The following KCNMA1 variants were observed in gnomAD, a reference collection of about 807,000 sequenced individuals.
The protein encoded by KCNMA1 is Calcium-activated potassium channel subunit alpha-1.
Under a neutral mutation model 140.0 loss-of-function variants are expected in KCNMA1, and 29 were observed. The observed-to-expected ratio is 0.21, with a 90% CI of 0.15 to 0.28. The LOEUF (loss-of-function observed/expected upper bound fraction) is 0.28, where lower values mean the gene tolerates loss of function less well. Among genes scored for constraint, KCNMA1 ranks in the 10% least tolerant of loss-of-function variants. The pLI is 1.00. For synonymous variants in KCNMA1, 612 were observed against 611.9 expected (o/e 1.00, Z 0.00); for missense variants, 880 against 1,602.2 (o/e 0.55, Z 7.70).
At chr10:77,598,000 C>T (rs2081422063) in intron 1 of KCNMA1, among the ~76,000 whole-genome samples, 1 of 152,206 alleles carries the variant, frequency 6.6e-6, no homozygotes, top group Non-Finnish European at 1.5e-5. Flanking sequence ...GAGACTGAGT[C>T]TCACTTTGCC....
intron 5 of KCNMA1, among the ~76,000 whole-genome samples, chr10:77,166,817 T>C (rs767195839): frequency 5.3e-5 from 8 of 152,204 alleles, no homozygotes; most frequent in African/African-American, 1.9e-4. Flanking sequence ...GGTTGATCAA[T>C]AGCCTCTTTT....
Position 77,535,745 on chromosome 10 carries a change from A to G in KCNMA1, c.378+101520T>C, listed in dbSNP as rs2058743717. Among the ~76,000 whole-genome samples the G allele has an allele frequency of 3.3e-5, 5 of 152,250 alleles. No homozygotes were observed. The South Asian group carries it at 1.0e-3, about 32-fold the overall frequency. Reference sequence around the variant, plus strand: ...ATGGAATTCTGTCCTTTGCAGTAACATGGATGGAACAGGAGGACATTATGT... The same window carrying G: ...ATGGAATTCTGTCCTTTGCAGTAACGTGGATGGAACAGGAGGACATTATGT... On this transcript the variant is annotated intron_variant, in intron 1 of 27. Transcript: ENST00000286628.
chr10:76,932,633 G>A (rs1392593019), intron 23 of KCNMA1, among the ~76,000 whole-genome samples: 1 of 152,144 alleles, frequency 6.6e-6, no homozygotes, highest in Non-Finnish European at 1.5e-5. Flanking sequence ...ATATATAGAT[G>A]AGGAAATGAA....
intron 20 of KCNMA1, among the ~76,000 whole-genome samples, chr10:76,962,303 T>C (rs778630402): frequency 6.6e-6 from 1 of 152,192 alleles, no homozygotes; most frequent in African/African-American, 2.4e-5. Context: ...AGTTACAAAA[T>C]GGCTAGAAAA....
intron 1 of KCNMA1, among the ~76,000 whole-genome samples, chr10:77,523,210 C>CCCA (rs1048978672): frequency 6.7e-6 from 1 of 150,174 alleles, no homozygotes; most frequent in Admixed American, 6.6e-5. Flanking sequence ...CGTGCCCCCC[C>CCCA]CCCTTGCAAT....
At chr10:77,022,198 T>C (rs1020340388) in intron 16 of KCNMA1, among the ~76,000 whole-genome samples, 24 of 152,266 alleles carry the variant, frequency 1.6e-4, no homozygotes, top group East Asian at 5.8e-4. Flanking sequence ...CAAAAGTCTC[T>C]CTCTCTGTGC....
At chr10:77,633,817 G>C (rs2093461302) in intron 1 of KCNMA1, among the ~76,000 whole-genome samples, 1 of 152,156 alleles carries the variant, frequency 6.6e-6, no homozygotes, top group Non-Finnish European at 1.5e-5. Context: ...ACAAACCACA[G>C]CTCCAACAGG....
chr10:76,966,718 C>T (rs916197580), intron 20 of KCNMA1, among the ~76,000 whole-genome samples: 5 of 152,110 alleles, frequency 3.3e-5, no homozygotes, highest in Admixed American at 6.5e-5. Flanking sequence ...AGTAAGAGAC[C>T]GGGAAGGAAG....
chr10:77,551,103 A>T (rs2154556964), intron 1 of KCNMA1, among the ~76,000 whole-genome samples: 1 of 152,276 alleles, frequency 6.6e-6, no homozygotes, highest in East Asian at 1.9e-4. Flanking sequence ...AGTAGCTGGA[A>T]CTACAGGAAC....
intron 2 of KCNMA1, among the ~76,000 whole-genome samples, chr10:77,275,505 C>T (rs954168817): frequency 6.6e-6 from 1 of 152,158 alleles, no homozygotes; most frequent in Admixed American, 6.5e-5. Context: ...GTCCAACGCC[C>T]TATTGTGTGT....
At chr10:77,116,877 C>T (rs2097485147) in intron 6 of KCNMA1, among the ~76,000 whole-genome samples, 1 of 152,186 alleles carries the variant, frequency 6.6e-6, no homozygotes, top group African/African-American at 2.4e-5. Context: ...AACCACATTT[C>T]CTCTCCTGAT....
In KCNMA1 at chr10:77,072,603, G is replaced by GCTCTCCATTCAAA. The variant is rs1382972347; in HGVS notation, c.1749+493_1749+494insTTTGAATGGAGAG. 9.2e-5 allele frequency among the ~76,000 whole-genome samples: 14 copies of GCTCTCCATTCAAA among 152,192 alleles called. No homozygotes were observed. In the South Asian group the frequency reaches 1.2e-3, roughly 14 times the overall value. On this transcript the variant is annotated intron_variant, in intron 14 of 27. Coordinates refer to ENST00000286628, the MANE Select transcript of KCNMA1 (RefSeq NM_001161352.2). ...TGTTTCGCTCTCCATTCAAACAACC[G>GCTCTCCATTCAAA]CGGCATGTCAGTCCTGCTGGCCTCC...
chr10:77,349,416 C>T (rs1023448279), intron 2 of KCNMA1, among the ~76,000 whole-genome samples: 2 of 152,188 alleles, frequency 1.3e-5, no homozygotes, highest in Non-Finnish European at 1.5e-5. Context: ...TATCTTGTTA[C>T]AGCAGGCCAA....
chr10:77,146,653 G>A (rs2098298121), intron 5 of KCNMA1, among the ~76,000 whole-genome samples: 2 of 140,028 alleles, frequency 1.4e-5, no homozygotes, highest in Non-Finnish European at 3.0e-5. Context: ...AGTGAGCGGA[G>A]ATGGTGCCAC....
chr10:77,508,338 C>CT (rs1234633208), intron 1 of KCNMA1, among the ~76,000 whole-genome samples: 13 of 94,690 alleles, frequency 1.4e-4, no homozygotes, highest in African/African-American at 6.4e-4. Flanking sequence ...CCATGCCTGG[C>CT]TATTTTTTTT....
At chr10:77,315,562 C>A (rs1346160292) in intron 2 of KCNMA1, 2 of 152,288 alleles carry the variant, frequency 1.3e-5, no homozygotes, top group South Asian at 2.1e-4. Context: ...GGAGAACCAA[C>A]CTAATCAAAT....
chr10:77,344,692 T>C (rs12256292), intron 2 of KCNMA1, among the ~76,000 whole-genome samples: 24,292 of 152,090 alleles, frequency 0.16, 2,751 homozygotes, highest in African/African-American at 0.32. Context: ...CTCTCTATCA[T>C]TGGACCTCAC....
intron 3 of KCNMA1, among the ~76,000 whole-genome samples, chr10:77,210,375 T>G (rs933467106): frequency 9.9e-5 from 15 of 152,142 alleles, no homozygotes; most frequent in Non-Finnish European, 2.1e-4. Context: ...CCCTTCATGA[T>G]AGAAACTCTG....
chr10:77,359,322 G>A lies in KCNMA1; in HGVS notation c.540+44540C>T, dbSNP rs186514408. Among the ~76,000 whole-genome samples the A allele has an allele frequency of 7.1e-3, 1,073 of 152,190 alleles. 15 individuals are homozygous for A. The highest frequency in any genetic ancestry group is 0.024 in the African/African-American group (1,014 of 41,510). On this transcript the variant is annotated intron_variant, in intron 2 of 27. Transcript: ENST00000286628. ...GTGTCGGTATGTGTGTGTGAGCGCC[G>A]CAATGACAGTGCTGCCACCGCTGCT...
Sources: gnomAD v4.1 joint callset for allele counts (sites outside exome capture counted in the v4.1 genomes callset) on GRCh38, gnomAD v4.1.1 for gene constraint, MANE v1.5 for transcripts, NCBI Gene and HGNC (gene_info 2026-07-23, HGNC 2026-07-21) for gene names.